Variants in NCOA1 observed in about 807,000 individuals in gnomAD.
NCOA1 encodes Hin-2 protein.
NCOA1 carries 35 observed loss-of-function variants against 150.9 expected under a neutral mutation model. The observed-to-expected ratio is 0.23, with a 90% CI of 0.18 to 0.31. The LOEUF (loss-of-function observed/expected upper bound fraction) is 0.31. Among genes scored for constraint, NCOA1 ranks in the 10% least tolerant of loss-of-function variants. The pLI is 1.00. For synonymous variants in NCOA1, 590 were observed against 630.0 expected (o/e 0.94, Z 0.95); for missense variants, 1,491 against 1,749.3 (o/e 0.85, Z 2.63).
chr2:24,635,961 GC>G (rs1255713224), intron 3 of NCOA1, among the ~76,000 whole-genome samples: 1 of 152,104 alleles, frequency 6.6e-6, no homozygotes, highest in Non-Finnish European at 1.5e-5. Context: ...AATTCAATTT[GC>G]TGACATTAAA....
intron 2 of NCOA1, among the ~76,000 whole-genome samples, chr2:24,573,027 G>T (rs1666804410): frequency 6.6e-6 from 1 of 152,136 alleles, no homozygotes; most frequent in African/African-American, 2.4e-5. Context: ...AAACCAAAAG[G>T]TGATATATAA....
chr2:24,697,940 G>C (rs2148574375), intron 11 of NCOA1, 142 bp downstream of exon 11: 1 of 896,472 alleles, frequency 1.1e-6, no homozygotes, highest in South Asian at 1.9e-5. Flanking sequence ...GGAAGAAATG[G>C]GTAAGCAAAG....
chr2:24,556,017 C>A (rs1666053274), intron 1 of NCOA1: 1 of 151,990 alleles, frequency 6.6e-6, no homozygotes, highest in South Asian at 2.1e-4. Context: ...ATTTTCAGTT[C>A]CAGGATACAC....
At chr2:24,629,841 T>C (rs1669618165) in intron 3 of NCOA1, among the ~76,000 whole-genome samples, 1 of 141,588 alleles carries the variant, frequency 7.1e-6, no homozygotes, top group Non-Finnish European at 1.5e-5. Context: ...TATATATATA[T>C]ATATATGTAT....
chr2:24,757,902 A>G, intron 20 of NCOA1, 71 bp from the exon 21 acceptor site: 1 of 1,467,422 alleles, frequency 6.8e-7, no homozygotes, highest in Non-Finnish European at 9.3e-7. Context: ...TTTATTTGGA[A>G]ACAGAATCTA....
intron 3 of NCOA1, among the ~76,000 whole-genome samples, chr2:24,599,243 G>A (rs1458162964): frequency 6.6e-6 from 1 of 152,146 alleles, no homozygotes; most frequent in Non-Finnish European, 1.5e-5. Flanking sequence ...TCTGTGGGGC[G>A]AAAGTGGTTT....
intron 20 of NCOA1, among the ~76,000 whole-genome samples, chr2:24,757,538 T>G (rs1019419273): frequency 6.6e-6 from 1 of 152,154 alleles, no homozygotes. Context: ...AATATAAGGA[T>G]GCTGTCTTTG....
chr2:24,558,305 T>C (rs184423935), intron 1 of NCOA1, among the ~76,000 whole-genome samples: 4 of 152,290 alleles, frequency 2.6e-5, no homozygotes, highest in African/African-American at 7.2e-5. Flanking sequence ...AACGGAAAAC[T>C]GTATTAGTCC....
At chr2:24,659,204 A>G (rs142903221) in intron 5 of NCOA1, 30 of 170,654 alleles carry the variant, frequency 1.8e-4, no homozygotes, top group Non-Finnish European at 3.5e-4. Flanking sequence ...CTTGCTCATC[A>G]TTGTATCCTT....
chr2:24,686,369 ATT>A (rs1281160273), intron 8 of NCOA1, among the ~76,000 whole-genome samples: 1 of 152,026 alleles, frequency 6.6e-6, no homozygotes, highest in Non-Finnish European at 1.5e-5. Context: ...TTTGTTAGTA[ATT>A]TTTTAATACT....
chr2:24,600,861 T>G (rs1177495250), intron 3 of NCOA1, among the ~76,000 whole-genome samples: 1 of 152,234 alleles, frequency 6.6e-6, no homozygotes, highest in East Asian at 1.9e-4. Flanking sequence ...ACGCATAGAA[T>G]GTGAATTACT....
intron 1 of NCOA1, chr2:24,554,612 C>T (rs1665994568): frequency 6.6e-6 from 1 of 152,176 alleles, no homozygotes; most frequent in African/African-American, 2.4e-5. Context: ...AGGGGGTAGC[C>T]CCAGCCAGAA....
intron 2 of NCOA1, among the ~76,000 whole-genome samples, chr2:24,576,844 C>T (rs1667011257): frequency 6.6e-6 from 1 of 152,168 alleles, no homozygotes; most frequent in African/African-American, 2.4e-5. Flanking sequence ...GCATTCTCCT[C>T]TCAGTTTCAG....
At chr2:24,599,651 T>C (rs1220778172) in intron 3 of NCOA1, among the ~76,000 whole-genome samples, 1 of 152,068 alleles carries the variant, frequency 6.6e-6, no homozygotes, top group East Asian at 1.9e-4. Context: ...CATGTTTTTT[T>C]CCCTAAACTA....
intron 14 of NCOA1, among the ~76,000 whole-genome samples, chr2:24,722,940 G>A (rs542825297): frequency 5.2e-5 from 7 of 135,140 alleles, no homozygotes; most frequent in Admixed American, 2.6e-4. Flanking sequence ...GCAGTGAGCC[G>A]AGATCATGCC....
intron 3 of NCOA1, among the ~76,000 whole-genome samples, chr2:24,590,963 C>T (rs1242730069): frequency 1.3e-5 from 2 of 152,172 alleles, no homozygotes; most frequent in Non-Finnish European, 2.9e-5. Context: ...ATTTTGCTTA[C>T]TACTGTATTC....
At chr2:24,523,921 T>C (rs556347658) in intron 1 of NCOA1, among the ~76,000 whole-genome samples, 21 of 52,964 alleles carry the variant, frequency 4.0e-4, no homozygotes, top group Admixed American at 2.5e-3. Flanking sequence ...TGGGACTCTG[T>C]CTCAAAAAAA....
At chr2:24,720,652 A>G (rs1401033009) in intron 14 of NCOA1, among the ~76,000 whole-genome samples, 1 of 152,218 alleles carries the variant, frequency 6.6e-6, no homozygotes, top group African/African-American at 2.4e-5. Context: ...AGAGACCATA[A>G]GGCTAAGGAA....
intron 1 of NCOA1, among the ~76,000 whole-genome samples, chr2:24,504,174 G>A (rs1373890760): frequency 2.0e-5 from 3 of 152,224 alleles, no homozygotes; most frequent in Non-Finnish European, 4.4e-5. Context: ...TAGGAGCCTA[G>A]TATGATCTGG....
Sources: gnomAD v4.1 joint callset for allele counts (sites outside exome capture counted in the v4.1 genomes callset) on GRCh38, gnomAD v4.1.1 for gene constraint, MANE v1.5 for transcripts, NCBI Gene and HGNC (gene_info 2026-07-23, HGNC 2026-07-21) for gene names.